Variants in SIK3 observed in about 807,000 individuals in gnomAD.
SIK3 encodes the protein SIK family kinase 3, also known as serine/threonine-protein kinase SIK3.
A neutral mutation model predicts 144.2 loss-of-function variants in SIK3; 28 were observed. That is an observed-to-expected ratio of 0.19 (90% CI 0.14 to 0.27). SIK3 has a LOEUF of 0.27. Ranked by LOEUF, SIK3 falls within the 10% of genes least tolerant of loss-of-function variation. The probability of loss-of-function intolerance (pLI) is 1.00; values close to 1 mark genes in which losing one functional copy is unlikely to be tolerated. For missense variants in SIK3, 1,319 were observed against 1,776.0 expected (o/e 0.74, Z 4.62); for synonymous variants, 686 against 676.3 (o/e 1.01, Z -0.22).
intron 1 of SIK3, among the ~76,000 whole-genome samples, chr11:117,094,442 CA>C (rs1565637916): frequency 6.6e-6 from 1 of 151,470 alleles, no homozygotes; most frequent in Non-Finnish European, 1.5e-5. Flanking sequence ...CCCATCTCTA[CA>C]AAAAAAATTT....
chr11:117,049,714 T>A (rs1019675308), intron 1 of SIK3, among the ~76,000 whole-genome samples: 1 of 151,862 alleles, frequency 6.6e-6, no homozygotes, highest in Non-Finnish European at 1.5e-5. Context: ...CCAACATTTT[T>A]GGAAGCTGAA....
At chr11:117,017,765 A>G (rs891910352) in intron 1 of SIK3, among the ~76,000 whole-genome samples, 1 of 152,204 alleles carries the variant, frequency 6.6e-6, no homozygotes, top group Non-Finnish European at 1.5e-5. Context: ...GGAATTGAAC[A>G]AATTAATCTC....
At chr11:117,013,970 T>C (rs1254202621) in intron 1 of SIK3, among the ~76,000 whole-genome samples, 4 of 66,764 alleles carry the variant, frequency 6.0e-5, no homozygotes, top group Admixed American at 1.6e-4. Context: ...TTTTTTTCTT[T>C]TCTTTTTTTT....
At chr11:117,062,852 T>G (rs1233965455) in intron 1 of SIK3, among the ~76,000 whole-genome samples, 1 of 152,138 alleles carries the variant, frequency 6.6e-6, no homozygotes, top group East Asian at 1.9e-4. Context: ...CTCAACCAAT[T>G]TGGAAACTAA....
chr11:116,881,169 G>A (rs1944528293), intron 6 of SIK3, among the ~76,000 whole-genome samples: 1 of 151,892 alleles, frequency 6.6e-6, no homozygotes, highest in Non-Finnish European at 1.5e-5. Flanking sequence ...AAAAATAAAA[G>A]GGCCCCATTA....
intron 1 of SIK3, among the ~76,000 whole-genome samples, chr11:117,010,013 A>C (rs1219212663): frequency 6.6e-6 from 1 of 152,194 alleles, no homozygotes; most frequent in Admixed American, 6.5e-5. Flanking sequence ...AACATCTATT[A>C]CCAGTTCATC....
chr11:116,951,635 C>A (rs1162100161), intron 3 of SIK3, among the ~76,000 whole-genome samples: 1 of 152,144 alleles, frequency 6.6e-6, no homozygotes, highest in Non-Finnish European at 1.5e-5. Flanking sequence ...AGAAACGGAT[C>A]TCTCTAATAC....
At chr11:117,063,787 G>A (rs1396775553) in intron 1 of SIK3, among the ~76,000 whole-genome samples, 4 of 151,644 alleles carry the variant, frequency 2.6e-5, no homozygotes, top group African/African-American at 7.3e-5. Context: ...GGCTGTTCTC[G>A]AACTCCTGAT....
chr11:116,906,338 G>GA (rs1235024035), intron 4 of SIK3, among the ~76,000 whole-genome samples: 1 of 151,548 alleles, frequency 6.6e-6, no homozygotes, highest in Non-Finnish European at 1.5e-5. Flanking sequence ...GGTTTGGGAA[G>GA]AAAAAAAATT....
chr11:116,970,791 A>G (rs186652367), intron 1 of SIK3, among the ~76,000 whole-genome samples: 20 of 152,166 alleles, frequency 1.3e-4, no homozygotes, highest in Non-Finnish European at 7.4e-5. Flanking sequence ...TCAGGACTAC[A>G]GGCATGTACT....
intron 1 of SIK3, among the ~76,000 whole-genome samples, chr11:116,958,970 C>A (rs766395609): frequency 2.4e-4 from 36 of 152,168 alleles, no homozygotes; most frequent in Non-Finnish European, 4.0e-4. Context: ...TTAATAAAAT[C>A]TTACATGTGA....
intron 1 of SIK3, among the ~76,000 whole-genome samples, chr11:117,091,544 A>G (rs1955249447): frequency 6.6e-6 from 1 of 152,106 alleles, no homozygotes; most frequent in Admixed American, 6.6e-5. Context: ...CTGTCTTTCC[A>G]GACTGTGGAG....
At chr11:117,028,432 G>A (rs981012805) in intron 1 of SIK3, among the ~76,000 whole-genome samples, 5 of 151,864 alleles carry the variant, frequency 3.3e-5, no homozygotes, top group African/African-American at 1.2e-4. Context: ...AGTATAATAG[G>A]GACAGCTTAA....
At chr11:116,900,634 C>T (rs895533878) in intron 4 of SIK3, among the ~76,000 whole-genome samples, 1 of 152,116 alleles carries the variant, frequency 6.6e-6, no homozygotes, top group Non-Finnish European at 1.5e-5. Context: ...GTTTACATGC[C>T]TTCCACATGC....
chr11:116,899,972 C>T lies in SIK3; in HGVS notation c.617-2655G>A, dbSNP rs529635440. Among the ~76,000 whole-genome samples, 7 of 152,256 alleles carry T rather than the reference C, an allele frequency of 4.6e-5. No homozygotes were observed. In the South Asian group the frequency reaches 1.0e-3, roughly 23 times the overall value. ...TCTACAGAAGGTGTTTTTCAGCAGGCTCTGCTGATTTTAACTGCCTCTCCT... is the reference window on the plus strand; with the variant it reads ...TCTACAGAAGGTGTTTTTCAGCAGGTTCTGCTGATTTTAACTGCCTCTCCT... On this transcript the variant is annotated intron_variant, in intron 4 of 24. Coordinates refer to ENST00000445177, the MANE Select transcript of SIK3 (RefSeq NM_001366686.3).
At chr11:116,976,436 T>C (rs1949949624) in intron 1 of SIK3, among the ~76,000 whole-genome samples, 1 of 152,258 alleles carries the variant, frequency 6.6e-6, no homozygotes, top group Non-Finnish European at 1.5e-5. Context: ...ACTTCATTCT[T>C]TTGAACATGG....
intron 4 of SIK3, among the ~76,000 whole-genome samples, chr11:116,898,038 T>C (rs1415663220): frequency 1.3e-5 from 2 of 152,104 alleles, no homozygotes; most frequent in Non-Finnish European, 2.9e-5. Context: ...GTTAGTTACA[T>C]ATGTATACAT....
intron 4 of SIK3, among the ~76,000 whole-genome samples, chr11:116,926,450 C>T (rs533631417): frequency 6.6e-6 from 1 of 152,120 alleles, no homozygotes; most frequent in African/African-American, 2.4e-5. Context: ...TTTGAGAAGA[C>T]AAAAAGCTGG....
chr11:116,909,795 G>A lies in SIK3; in HGVS notation c.617-12478C>T, dbSNP rs7950008. On this transcript the variant is annotated intron_variant, in intron 4 of 24. Coordinates refer to ENST00000445177, the MANE Select transcript of SIK3 (RefSeq NM_001366686.3). ...TAAGAACAGAGAGGGTGGGAGAAAG[G>A]GAAGAAAAGAGCGATACAGTTTGAA... Among the ~76,000 whole-genome samples the A allele has an allele frequency of 4.7e-3, 710 of 152,214 alleles. 12 individuals carry two copies. The highest frequency in any genetic ancestry group is 0.016 in the African/African-American group (649 of 41,520).
Sources: gnomAD v4.1 joint callset for allele counts (sites outside exome capture counted in the v4.1 genomes callset) on GRCh38, gnomAD v4.1.1 for gene constraint, MANE v1.5 for transcripts, NCBI Gene and HGNC (gene_info 2026-07-23, HGNC 2026-07-21) for gene names.